The following IFRD2 variants were observed in gnomAD, a reference collection of about 807,000 sequenced individuals.
The protein encoded by IFRD2 is interferon-related developmental regulator 2.
Under a neutral mutation model 49.2 loss-of-function variants are expected in IFRD2, and 35 were observed. That is an observed-to-expected ratio of 0.71 (90% confidence interval 0.54 to 0.94). IFRD2 has a LOEUF of 0.94. Ranked by LOEUF, IFRD2 falls within the 40% of genes least tolerant of loss-of-function variation. The probability of loss-of-function intolerance (pLI) is 0.00; values close to 1 mark genes in which losing one functional copy is unlikely to be tolerated. For synonymous variants in IFRD2, 275 were observed against 239.7 expected (o/e 1.15, Z -1.36); for missense variants, 561 against 591.6 (o/e 0.95, Z 0.54).
At chr3:50,290,529 A>G (rs1026276021) in intron 2 of IFRD2, 31 bp downstream of exon 2, 3 of 1,610,354 alleles carry the variant, frequency 1.9e-6, no homozygotes, top group African/African-American at 2.7e-5. Flanking sequence ...AGCCCTCACC[A>G]AGCCCCTGTC....
rs367765510 is a variant in IFRD2 at position 50,290,258 on chromosome 3, G to C, written c.300C>G (p.Arg100=). The change falls in exon 4 of 12, where the codon CGC becomes CGG. Residue 100 remains arginine, a synonymous_variant. Transcript: ENST00000417626. ...KTRQGALESL[R]LALASRLLPD... ...GGAGTAGGCGGGACGCTAGGGCCAG[G>C]CGCAGGCTCTCAAGAGCACCCTGCC... is the stretch of plus-strand genomic sequence containing the variant. 205 of 1,612,756 alleles carry C rather than the reference G, an allele frequency of 1.3e-4. No individual in the cohort carries two copies. The African/African-American group carries it at 2.7e-3, about 21-fold the overall frequency.
In IFRD2 at chr3:50,292,386, C is replaced by G. The variant is rs781879477; in HGVS notation, c.-112G>C. The G allele has an allele frequency of 6.3e-7, 1 of 1,584,470 alleles. No homozygotes were observed. Among genetic ancestry groups the G allele is most frequent in the Admixed American group, 1.8e-5 (1 of 56,484 alleles). ...CTGAGACTTGGCCAGACGACGGGAG[C>G]CACACGCCACGCGCGCCACCATCTT... On this transcript the variant is annotated 5_prime_UTR_variant, in exon 1 of 12. Transcript: ENST00000417626.
intron 8 of IFRD2, 23 bp downstream of exon 8, chr3:50,289,232 C>A (rs1553709176): frequency 1.3e-6 from 2 of 1,542,960 alleles, no homozygotes; most frequent in Admixed American, 1.9e-5. Context: ...TCACCAAGCA[C>A]CCCCCATCCT....
Position 50,289,578 on chromosome 3 carries a change from A to G in IFRD2, c.648T>C (p.Tyr216=). The G allele has an allele frequency of 1.3e-6, 2 of 1,588,366 alleles. No homozygotes were observed. Among genetic ancestry groups the G allele is most frequent in the African/African-American group, 2.7e-5 (2 of 74,466 alleles). The stretch of plus-strand genomic sequence containing the variant: ...GACTTGTGGAGCTGCCCCCCAAGCC[A>G]TAGAACCGGCTGAAAACACTTTCTA... The part of the protein sequence containing the change: ...ACLESVFSRF[Y]GLGGSSTSPV... Residue 216 remains tyrosine, a synonymous_variant, in exon 7 of 12, where the codon TAT becomes TAC. Transcript: ENST00000417626.
intron 6 of IFRD2, 24 bp from the exon 7 acceptor site, chr3:50,289,652 A>T: frequency 6.3e-7 from 1 of 1,595,156 alleles, no homozygotes; most frequent in Non-Finnish European, 8.5e-7. Context: ...GAGGCAGGGG[A>T]GCTCAGAGGC....
Position 50,288,712 on chromosome 3 carries a change from C to T in IFRD2, c.1024-1G>A. On this transcript the variant is annotated splice_acceptor_variant, in intron 9 of 11. Coordinates refer to ENST00000417626, the MANE Select transcript of IFRD2 (RefSeq NM_006764.5). LOFTEE classifies it high-confidence loss of function. The stretch of plus-strand genomic sequence containing the variant: ...CTATCTCTTCTTCGCATTCACCGCC[C>T]TGCAGGGTAGAGGTGCCAACACAAC... The T allele has an allele frequency of 6.2e-7, 1 of 1,613,418 alleles. No homozygotes were observed. Among genetic ancestry groups the T allele is most frequent in the Non-Finnish European group, 8.5e-7 (1 of 1,179,662 alleles).
chr3:50,290,149 C>G, intron 4 of IFRD2, 21 bp downstream of exon 4: 1 of 1,612,904 alleles, frequency 6.2e-7, no homozygotes, highest in Non-Finnish European at 8.5e-7. Context: ...TTTAAGTCTC[C>G]CACACACCCC....
At position 50,288,821 on chromosome 3, in the gene IFRD2, G is replaced by A. The variant is rs782203968; in HGVS notation, c.1002C>T (p.Arg334=). ...ACACCTCCACGGAGTGCAGCACGGC[G>A]CGGAAAGTAGAGCGCTGGCGCCGAC... ...ADRRRQRSTF[R]AVLHSVEGGE... Residue 334 remains arginine, a synonymous_variant, in exon 9 of 12, where the codon CGC becomes CGT. Transcript: ENST00000417626. 54 of 1,613,262 alleles carry A rather than the reference G, an allele frequency of 3.3e-5. No individual in the cohort carries two copies. Among genetic ancestry groups the A allele is most frequent in the Middle Eastern group, 1.6e-4 (1 of 6,084 alleles).
Position 50,289,384 on chromosome 3 carries a change from A to G in IFRD2, c.780-24T>C, listed in dbSNP as rs115341484. ...GCCTAGGGAAGGGGCAGGCTGAGCT[A>G]TATGTGTGGCTTGGGGGCCTCTTTG... On this transcript the variant is annotated intron_variant, in intron 7 of 11. Coordinates refer to ENST00000417626, the MANE Select transcript of IFRD2 (RefSeq NM_006764.5). 1.3e-3 allele frequency: 2,088 copies of G among 1,580,328 alleles called. 19 individuals are homozygous for G. The African/African-American group carries it at 0.024, about 18-fold the overall frequency.
chr3:50,290,330 G>A (rs369427457), intron 3 of IFRD2, 36 bp from the exon 4 acceptor site: 129 of 1,604,250 alleles, frequency 8.0e-5, no homozygotes, highest in Non-Finnish European at 1.1e-4. Context: ...ATATGGGCCA[G>A]CCCTCCCTTG....
In IFRD2 at chr3:50,290,411, A is replaced by G; in HGVS notation, c.240T>C (p.Tyr80=). 6.3e-7 allele frequency: 1 copy of G among 1,579,830 alleles called. No individual in the cohort carries two copies. Among genetic ancestry groups the G allele is most frequent in the African/African-American group, 1.3e-5 (1 of 74,270 alleles). ...QEDLEEKLKE[Y]VDCLTDKSAK... ...ACCTCTTGTCTGTGAGACAGTCCAC[A>G]TACTCCTTCAGCTTTTCCTCAAGGT... Residue 80 remains tyrosine (Y), a synonymous_variant, in exon 3 of 12, where the codon TAT becomes TAC. Transcript: ENST00000417626.
rs587723800 is a variant in IFRD2 at position 50,290,543 on chromosome 3, C to T, written c.178+17G>A. The T allele has an allele frequency of 6.2e-7, 1 of 1,612,994 alleles. No individual in the cohort carries two copies. The highest frequency in any genetic ancestry group is 1.3e-5 in the African/African-American group (1 of 75,056). The stretch of plus-strand genomic sequence containing the variant: ...GAGCCCTCACCAAGCCCCTGTCAAA[C>T]TTCCACCCGCTCTCACCAAGGCTGT... On this transcript the variant is annotated intron_variant, in intron 2 of 11. Coordinates refer to ENST00000417626, the MANE Select transcript of IFRD2 (RefSeq NM_006764.5).
Position 50,292,363 on chromosome 3 carries a change from G to C in IFRD2, c.-89C>G. Reference sequence around the variant, plus strand: ...GAGACGCCGGCCGGTGCGCTGCGCTGAGACTTGGCCAGACGACGGGAGCCA... The same window carrying C: ...GAGACGCCGGCCGGTGCGCTGCGCTCAGACTTGGCCAGACGACGGGAGCCA... On this transcript the variant is annotated 5_prime_UTR_variant, in exon 1 of 12. Coordinates refer to ENST00000417626, the MANE Select transcript of IFRD2 (RefSeq NM_006764.5). 5 of 1,574,168 alleles carry C rather than the reference G, an allele frequency of 3.2e-6. No homozygotes were observed. Among genetic ancestry groups the C allele is most frequent in the Non-Finnish European group, 3.4e-6 (4 of 1,164,942 alleles).
In IFRD2 at chr3:50,290,471, C is replaced by T; in HGVS notation, c.180G>A (p.Gly60=). The T allele has an allele frequency of 6.3e-7, 1 of 1,578,744 alleles. No homozygotes were observed. The highest frequency in any genetic ancestry group is 1.2e-5 in the South Asian group (1 of 86,790). The change falls in exon 3 of 12, where the codon GGG becomes GGA. Residue 60 remains glycine, a splice_region_variant and synonymous_variant. Coordinates refer to ENST00000417626, the MANE Select transcript of IFRD2 (RefSeq NM_006764.5). ...GGCCCTGCTCATCCACGACATCCCC[C>T]CCTGCAAGGCCACCTGGTCAGCACC... ...LLSTTAEDSL[G]GDVVDEQGQQ... is the part of the protein sequence containing the mutation.
chr3:50,290,919 C>A (rs1701660497), intron 1 of IFRD2, among the ~76,000 whole-genome samples: 1 of 151,918 alleles, frequency 6.6e-6, no homozygotes, highest in African/African-American at 2.4e-5. Flanking sequence ...GGTGTGATCA[C>A]CAGGCTGGCC....
At chr3:50,290,902 T>C (rs1214561816) in intron 1 of IFRD2, among the ~76,000 whole-genome samples, 1 of 152,106 alleles carries the variant, frequency 6.6e-6, no homozygotes, top group Non-Finnish European at 1.5e-5. Flanking sequence ...GGCAGAGTTT[T>C]GGACAGGGTG....
chr3:50,289,442 C>A lies in IFRD2; in HGVS notation c.779+5G>T. On this transcript the variant is annotated splice_donor_5th_base_variant and intron_variant, in intron 7 of 11. Transcript: ENST00000417626. ...CTCCCCCTCCCAGTGGACAGCCACC[C>A]CTACCTGTCAAGGATGTGGCTGATT... 6.4e-7 allele frequency: 1 copy of A among 1,572,582 alleles called. No homozygotes were observed. The highest frequency in any genetic ancestry group is 2.4e-5 in the East Asian group (1 of 42,406).
Position 50,289,060 on chromosome 3 carries a change from C to T in IFRD2, c.886-123G>A, listed in dbSNP as rs6777625. On this transcript the variant is annotated intron_variant, in intron 8 of 11. Coordinates refer to ENST00000417626, the MANE Select transcript of IFRD2 (RefSeq NM_006764.5). ...CTCTTCTCTGCCTGGCCCCTTTGACCCCTCCTTGGCCTCTGTCAGGCCAGG... is the reference window on the plus strand; with the variant it reads ...CTCTTCTCTGCCTGGCCCCTTTGACTCCTCCTTGGCCTCTGTCAGGCCAGG... 1.1e-3 allele frequency: 1,525 copies of T among 1,368,078 alleles called. 14 individuals are homozygous for T. The African/African-American group carries it at 0.019, about 17-fold the overall frequency. The allele number at this position is 1,368,078 out of a possible 1,614,324, so 84.7% of individuals were successfully genotyped here. A position where few individuals can be genotyped will look rare whatever the true frequency, so the allele number is the denominator to read the frequency against.
Position 50,288,882 on chromosome 3 carries a change from G to A in IFRD2, c.941C>T (p.Ala314Val). ...GGCACGGTACTTGTTACTGTCAGTG[G>A]CCAGAGTGCGCAGGACACTGCAGAG... ...EALCSVLRTL[A>V]TDSNKYRAKA... Residue 314 changes from alanine (A) to valine (V), a missense_variant, in exon 9 of 12, where the codon GCC becomes GTC. By Grantham distance (64) the Ala-to-Val change is moderately conservative. Coordinates refer to ENST00000417626, the MANE Select transcript of IFRD2 (RefSeq NM_006764.5). The A allele has an allele frequency of 6.2e-7, 1 of 1,613,400 alleles. No homozygotes were observed. The highest frequency in any genetic ancestry group is 8.5e-7 in the Non-Finnish European group (1 of 1,179,650).
Sources: gnomAD v4.1 joint callset for allele counts (sites outside exome capture counted in the v4.1 genomes callset) on GRCh38, gnomAD v4.1.1 for gene constraint, MANE v1.5 for transcripts, NCBI Gene and HGNC (gene_info 2026-07-23, HGNC 2026-07-21) for gene names.